Variants in ZBTB16 observed in about 807,000 individuals in gnomAD.
ZBTB16 encodes the protein zinc finger and BTB domain containing 16.
Under a neutral mutation model 56.8 loss-of-function variants are expected in ZBTB16, and 8 were observed. The observed-to-expected ratio is 0.14, with a 90% CI of 0.08 to 0.25. The LOEUF is 0.25. Among genes scored for constraint, ZBTB16 ranks in the 10% least tolerant of loss-of-function variants. The pLI, the probability that ZBTB16 is intolerant of heterozygous loss-of-function variation, is 1.00. For synonymous variants in ZBTB16, 363 were observed against 368.5 expected (o/e 0.98, Z 0.17); for missense variants, 625 against 903.0 (o/e 0.69, Z 3.95).
At position 114,254,616 on chromosome 11, in the gene ZBTB16, TG is replaced by T. The variant is rs1329736761; in HGVS notation, c.*4066del. ...CGGCAAGCCGAGCTAGGGTGAAAAC[TG>T]GGGGCGCACCAGGATGTGAGACAGA... On this transcript the variant is annotated 3_prime_UTR_variant, in exon 7 of 7. Coordinates refer to ENST00000335953, the MANE Select transcript of ZBTB16 (RefSeq NM_006006.6). 1.3e-5 allele frequency among the ~76,000 whole-genome samples: 2 copies of T among 152,020 alleles called. No individual in the cohort carries two copies. The highest frequency in any genetic ancestry group is 4.8e-5 in the African/African-American group (2 of 41,362).
chr11:114,208,099 G>C (rs1943925952), intron 4 of ZBTB16, among the ~76,000 whole-genome samples: 2 of 152,148 alleles, frequency 1.3e-5, no homozygotes, highest in Admixed American at 6.5e-5. Context: ...TCTTCTCTAT[G>C]ACACCCTTTT....
Position 114,247,377 on chromosome 11 carries a change from C to T in ZBTB16, c.1792+12C>T, listed in dbSNP as rs199658513. 88 of 1,614,088 alleles carry T rather than the reference C, an allele frequency of 5.5e-5. 1 individual carries two copies. The East Asian group carries it at 1.8e-3, about 34-fold the overall frequency. The stretch of plus-strand genomic sequence containing the variant: ...TAGGGTGCACACAGGTACCGAAGGC[C>T]AGGGAGGGGCCTGAGCTGGCTCTGG... On this transcript the variant is annotated intron_variant, in intron 6 of 6. Coordinates refer to ENST00000335953, the MANE Select transcript of ZBTB16 (RefSeq NM_006006.6).
chr11:114,248,943 G>A (rs551257743), intron 6 of ZBTB16, among the ~76,000 whole-genome samples: 4 of 152,280 alleles, frequency 2.6e-5, no homozygotes, highest in Non-Finnish European at 4.4e-5. Context: ...CTGTGCGCGG[G>A]GGAGTATTGA....
chr11:114,201,803 G>A (rs1287713715), intron 4 of ZBTB16, among the ~76,000 whole-genome samples: 1 of 152,080 alleles, frequency 6.6e-6, no homozygotes, highest in African/African-American at 2.4e-5. Flanking sequence ...ATAGGGCAAA[G>A]GTGTTCTACT....
chr11:114,248,071 AT>A (rs542554233), intron 6 of ZBTB16, among the ~76,000 whole-genome samples: 1 of 151,566 alleles, frequency 6.6e-6, no homozygotes. Flanking sequence ...CTAATTTTGT[AT>A]TTTTTTTAGT....
chr11:114,128,865 C>T (rs80018753), intron 2 of ZBTB16, among the ~76,000 whole-genome samples: 82 of 152,328 alleles, frequency 5.4e-4, no homozygotes, highest in Admixed American at 4.8e-3. Context: ...AGCCCAGAGG[C>T]GGCTACTGCA....
At position 114,064,255 on chromosome 11, in the gene ZBTB16, C is replaced by A. The variant is rs1939020851; in HGVS notation, c.955C>A (p.Arg319=). ...PAEAGQAPTG[R]PEHPAPPPEK... The stretch of plus-strand genomic sequence containing the variant: ...TGAGGCTGGCCAGGCCCCCACTGGC[C>A]GACCTGAGCACCCAGCACCCCCGCC... The change falls in exon 2 of 7, where the codon CGA becomes AGA. Residue 319 remains arginine (R), a synonymous_variant. Transcript: ENST00000335953. The surrounding 1 kb of genome is among the most constrained non-coding windows in gnomAD (Gnocchi z 4.2). 4 of 1,614,024 alleles carry A rather than the reference C, an allele frequency of 2.5e-6. No homozygotes were observed. The South Asian group carries it at 4.4e-5, about 18-fold the overall frequency.
At chr11:114,244,898 T>A (rs1271971758) in intron 5 of ZBTB16, among the ~76,000 whole-genome samples, 3 of 151,960 alleles carry the variant, frequency 2.0e-5, no homozygotes, top group Admixed American at 1.3e-4. Context: ...GCTGCCGATG[T>A]ACGTTTTAAT....
chr11:114,070,653 G>T lies in ZBTB16; in HGVS notation c.1268+6085G>T, dbSNP rs117842651. On this transcript the variant is annotated intron_variant, in intron 2 of 6. Coordinates refer to ENST00000335953, the MANE Select transcript of ZBTB16 (RefSeq NM_006006.6). Reference sequence around the variant, plus strand: ...TAAGAACATGAGCATTGCTCTTCTGGGTCAAATCCATCTGACCTAGTCTTT... The same window carrying T: ...TAAGAACATGAGCATTGCTCTTCTGTGTCAAATCCATCTGACCTAGTCTTT... 2.0e-3 allele frequency among the ~76,000 whole-genome samples: 301 copies of T among 152,204 alleles called. 10 individuals carry two copies. The East Asian group carries it at 0.045, about 23-fold the overall frequency.
chr11:114,078,513 A>T (rs1025687320), intron 2 of ZBTB16, among the ~76,000 whole-genome samples: 1 of 152,198 alleles, frequency 6.6e-6, no homozygotes, highest in Non-Finnish European at 1.5e-5. Flanking sequence ...AAGAGTTTAG[A>T]CTGGCTGCTA....
intron 3 of ZBTB16, among the ~76,000 whole-genome samples, chr11:114,160,430 C>G (rs1942555969): frequency 1.3e-5 from 2 of 152,174 alleles, no homozygotes; most frequent in South Asian, 2.1e-4. Flanking sequence ...CCCTGTCGTC[C>G]TCCTCTCCTC....
chr11:114,095,784 G>T (rs2137739851), intron 2 of ZBTB16, among the ~76,000 whole-genome samples: 1 of 152,276 alleles, frequency 6.6e-6, no homozygotes, highest in South Asian at 2.1e-4. Context: ...TGTTGACAAG[G>T]TCTCTGAAGT....
At chr11:114,150,581 C>T (rs1942256391) in intron 2 of ZBTB16, among the ~76,000 whole-genome samples, 1 of 152,246 alleles carries the variant, frequency 6.6e-6, no homozygotes, top group Non-Finnish European at 1.5e-5. Context: ...AGCCTCATAA[C>T]TTTGCATTCA....
At chr11:114,215,114 CT>C (rs1944070822) in intron 4 of ZBTB16, among the ~76,000 whole-genome samples, 1 of 151,960 alleles carries the variant, frequency 6.6e-6, no homozygotes, top group Non-Finnish European at 1.5e-5. Flanking sequence ...AAAGAATTGT[CT>C]TTTATGTCCC....
chr11:114,156,254 G>C, intron 2 of ZBTB16, 83 bp from the exon 3 acceptor site: 1 of 1,411,900 alleles, frequency 7.1e-7, no homozygotes, highest in South Asian at 1.2e-5. Flanking sequence ...CAGAGGGATG[G>C]CTGCCAAGCC....
At chr11:114,096,440 T>C (rs1940411129) in intron 2 of ZBTB16, among the ~76,000 whole-genome samples, 3 of 152,172 alleles carry the variant, frequency 2.0e-5, no homozygotes, top group Admixed American at 1.3e-4. Flanking sequence ...ACCTCTGTGG[T>C]CTCCTGTGTG....
intron 4 of ZBTB16, among the ~76,000 whole-genome samples, chr11:114,208,672 C>G (rs1386974999): frequency 6.6e-6 from 1 of 152,178 alleles, no homozygotes; most frequent in Non-Finnish European, 1.5e-5. Flanking sequence ...GGGCCCTTTT[C>G]TTCCGTTGGC....
At chr11:114,107,707 T>C (rs1940848741) in intron 2 of ZBTB16, among the ~76,000 whole-genome samples, 1 of 152,230 alleles carries the variant, frequency 6.6e-6, no homozygotes, top group Non-Finnish European at 1.5e-5. Context: ...TGGGAGGAGA[T>C]GCATAATATG....
At chr11:114,068,536 C>A (rs1026406977) in intron 2 of ZBTB16, among the ~76,000 whole-genome samples, 3 of 152,144 alleles carry the variant, frequency 2.0e-5, no homozygotes, top group Non-Finnish European at 2.9e-5. Flanking sequence ...GGTGGGAAGA[C>A]CAGACAAAGG....
Sources: allele counts gnomAD v4.1 joint callset (sites outside exome capture counted in the v4.1 genomes callset), GRCh38; gene constraint gnomAD v4.1.1; non-coding constraint Gnocchi (gnomAD v3.1); transcripts MANE v1.5; gene names NCBI Gene and HGNC (gene_info 2026-07-23, HGNC 2026-07-21).